The following NTM variants were observed in gnomAD, a reference collection of about 807,000 sequenced individuals.
NTM encodes the protein IgLON family member 2.
NTM carries 13 observed loss-of-function variants against 42.1 expected under a neutral mutation model. That is an observed-to-expected ratio of 0.31 (90% CI 0.20 to 0.49). The LOEUF is 0.49. Ranked by LOEUF, NTM falls within the 20% of genes least tolerant of loss-of-function variation. The pLI, the probability that NTM is intolerant of heterozygous loss-of-function variation, is 0.99. For synonymous variants in NTM, 187 were observed against 179.2 expected (o/e 1.04, Z -0.35); for missense variants, 373 against 452.8 (o/e 0.82, Z 1.60).
chr11:131,964,803 C>G (rs1378243073), intron 2 of NTM, among the ~76,000 whole-genome samples: 1 of 152,148 alleles, frequency 6.6e-6, no homozygotes, highest in African/African-American at 2.4e-5. Flanking sequence ...GCAGTATCAC[C>G]AGCTTGAGAG....
Position 132,066,749 on chromosome 11 carries a change from A to G in NTM, c.168-79533A>G, listed in dbSNP as rs565915149. Reference sequence around the variant, plus strand: ...TTGCTTTCTCTTCTATATATGTTCAAATTTGCTTCTTTCTTGCTCTGTTAT... The same window carrying G: ...TTGCTTTCTCTTCTATATATGTTCAGATTTGCTTCTTTCTTGCTCTGTTAT... On this transcript the variant is annotated intron_variant, in intron 2 of 8. Coordinates refer to ENST00000683400, the MANE Select transcript of NTM (RefSeq NM_001352005.2). Among the ~76,000 whole-genome samples the G allele has an allele frequency of 2.1e-4, 32 of 152,196 alleles. 1 individual carries two copies. Among genetic ancestry groups the G allele is most frequent in the African/African-American group, 6.5e-4 (27 of 41,528 alleles).
intron 1 of NTM, among the ~76,000 whole-genome samples, chr11:131,888,965 G>A (rs1172332123): frequency 2.7e-5 from 4 of 150,890 alleles, no homozygotes; most frequent in East Asian, 3.9e-4. Flanking sequence ...TTGTACCTTC[G>A]GTGCAGCCTC....
Position 132,191,869 on chromosome 11 carries a change from A to G in NTM, c.401-20153A>G, listed in dbSNP as rs144815305. Among the ~76,000 whole-genome samples, 201 of 152,362 alleles carry G rather than the reference A, an allele frequency of 1.3e-3. 3 individuals are homozygous for G. The highest frequency in any genetic ancestry group is 3.4e-3 in the Middle Eastern group (1 of 294). ...TAAAAATTTACTATAAGAATTTTAT[A>G]ATACAATTGGAAGCATTAACAACAG... On this transcript the variant is annotated intron_variant, in intron 3 of 8. Coordinates refer to ENST00000683400, the MANE Select transcript of NTM (RefSeq NM_001352005.2).
intron 2 of NTM, among the ~76,000 whole-genome samples, chr11:132,016,351 T>A (rs2073409393): frequency 6.6e-6 from 1 of 151,954 alleles, no homozygotes; most frequent in Non-Finnish European, 1.5e-5. Flanking sequence ...AACCTCCATT[T>A]CTAACCCCAG....
chr11:132,162,529 A>G (rs1431374854), intron 3 of NTM, among the ~76,000 whole-genome samples: 138 of 78,990 alleles, frequency 1.7e-3, no homozygotes, highest in Admixed American at 3.8e-3. Context: ...TTGTGGGGGG[A>G]GTGTGGATGT....
At chr11:131,647,023 C>T (rs1430965678) in intron 1 of NTM, among the ~76,000 whole-genome samples, 6 of 152,158 alleles carry the variant, frequency 3.9e-5, no homozygotes, top group African/African-American at 1.4e-4. Context: ...TGCAGGGCTC[C>T]CAGGCCTTCG....
At chr11:131,860,748 C>G (rs1486611047) in intron 1 of NTM, among the ~76,000 whole-genome samples, 1 of 152,170 alleles carries the variant, frequency 6.6e-6, no homozygotes, top group African/African-American at 2.4e-5. Flanking sequence ...CTTTCACCAC[C>G]CCCTGAATTC....
At chr11:132,118,330 G>T (rs915415420) in intron 2 of NTM, among the ~76,000 whole-genome samples, 8 of 152,154 alleles carry the variant, frequency 5.3e-5, no homozygotes, top group African/African-American at 1.9e-4. Flanking sequence ...TAGGTGAATG[G>T]TTGGGAATAC....
At chr11:132,151,425 A>G (rs1381862757) in intron 3 of NTM, among the ~76,000 whole-genome samples, 1 of 152,190 alleles carries the variant, frequency 6.6e-6, no homozygotes, top group Non-Finnish European at 1.5e-5. Flanking sequence ...TGACTTCTCC[A>G]TTTTGACTGG....
intron 2 of NTM, among the ~76,000 whole-genome samples, chr11:132,018,696 G>T (rs2073843434): frequency 6.6e-6 from 1 of 151,862 alleles, no homozygotes; most frequent in Non-Finnish European, 1.5e-5. Context: ...TATTCCTTAT[G>T]TTTTTGGGCT....
intron 1 of NTM, among the ~76,000 whole-genome samples, chr11:131,814,913 A>G (rs552487027): frequency 6.6e-6 from 1 of 152,110 alleles, no homozygotes; most frequent in Admixed American, 6.6e-5. Context: ...CTTCCTATAT[A>G]TCTCTCCAAA....
chr11:132,215,584 G>T (rs1339037425), intron 4 of NTM, among the ~76,000 whole-genome samples: 1 of 152,206 alleles, frequency 6.6e-6, no homozygotes, highest in African/African-American at 2.4e-5. Flanking sequence ...CTTTATATCA[G>T]ATAGAGAAAA....
intron 1 of NTM, among the ~76,000 whole-genome samples, chr11:131,696,807 A>ACACACACC (rs1009221384): frequency 5.9e-5 from 9 of 152,140 alleles, no homozygotes; most frequent in African/African-American, 1.9e-4. Flanking sequence ...ACACACACAC[A>ACACACACC]CACAAGGCAA....
chr11:131,850,296 GA>G, intron 1 of NTM, among the ~76,000 whole-genome samples: 1 of 152,130 alleles, frequency 6.6e-6, no homozygotes, highest in Non-Finnish European at 1.5e-5. Flanking sequence ...TTGCATACTT[GA>G]AGCTATTAGA....
At chr11:132,228,414 T>C (rs1868538) in intron 4 of NTM, among the ~76,000 whole-genome samples, 75,765 of 152,020 alleles carry the variant, frequency 0.5, 19,466 homozygotes, top group African/African-American at 0.62. Flanking sequence ...CCATCTAATC[T>C]TGGCTTCCAG....
intron 1 of NTM, among the ~76,000 whole-genome samples, chr11:131,464,043 T>A (rs1324526158): frequency 6.6e-6 from 1 of 152,222 alleles, no homozygotes; most frequent in Admixed American, 6.5e-5. Context: ...CTAGGCAGTT[T>A]CCCCGTCTCC....
At chr11:131,695,403 G>A (rs141781723) in intron 1 of NTM, among the ~76,000 whole-genome samples, 232 of 152,238 alleles carry the variant, frequency 1.5e-3, no homozygotes, top group African/African-American at 5.1e-3. Flanking sequence ...CCTTCATGCC[G>A]GCACATGTTT....
intron 2 of NTM, among the ~76,000 whole-genome samples, chr11:132,090,402 A>T (rs1397448958): frequency 6.6e-6 from 1 of 152,066 alleles, no homozygotes; most frequent in East Asian, 1.9e-4. Flanking sequence ...GACCTCCTGT[A>T]CCCAGGGTAT....
intron 2 of NTM, among the ~76,000 whole-genome samples, chr11:131,917,980 G>A (rs530226128): frequency 6.6e-6 from 1 of 152,376 alleles, no homozygotes; most frequent in South Asian, 2.1e-4. Flanking sequence ...CAGGGGGCCA[G>A]CTCAGTTCTC....
Sources: allele counts gnomAD v4.1 joint callset (sites outside exome capture counted in the v4.1 genomes callset), GRCh38; gene constraint gnomAD v4.1.1; transcripts MANE v1.5; gene names NCBI Gene and HGNC (gene_info 2026-07-23, HGNC 2026-07-21).